Variants in RNF38 observed in about 807,000 individuals in gnomAD.
RNF38 encodes ring finger protein 38, also known as E3 ubiquitin-protein ligase RNF38.
RNF38 carries 15 observed loss-of-function variants against 67.2 expected under a neutral mutation model. That is an observed-to-expected ratio of 0.22 (90% CI 0.15 to 0.34). The LOEUF (loss-of-function observed/expected upper bound fraction) is 0.34. RNF38 is among the 10% of genes least tolerant of loss of function. The pLI, the probability that RNF38 is intolerant of heterozygous loss-of-function variation, is 1.00. For missense variants in RNF38, 524 were observed against 639.9 expected (o/e 0.82, Z 1.95); for synonymous variants, 220 against 218.8 (o/e 1.01, Z -0.05).
At chr9:36,424,716 A>C (rs1838724502) in intron 1 of RNF38, 1 of 893,418 alleles carries the variant, frequency 1.1e-6, no homozygotes, top group Non-Finnish European at 1.3e-6. Context: ...GTTAAGATGC[A>C]GTAATTCCTT....
At chr9:36,386,284 C>A (rs952487397) in intron 2 of RNF38, among the ~76,000 whole-genome samples, 1 of 152,052 alleles carries the variant, frequency 6.6e-6, no homozygotes, top group Admixed American at 6.6e-5. Flanking sequence ...AAGTTTTTCC[C>A]CCTTTTCTTC....
intron 2 of RNF38, among the ~76,000 whole-genome samples, chr9:36,423,288 T>C (rs1343759268): frequency 2.0e-5 from 3 of 152,160 alleles, no homozygotes; most frequent in Admixed American, 2.0e-4. Context: ...TACCACTCTC[T>C]GTAAAGAGAG....
At chr9:36,406,795 C>CT (rs1838195106) in intron 2 of RNF38, among the ~76,000 whole-genome samples, 1 of 152,180 alleles carries the variant, frequency 6.6e-6, no homozygotes, top group South Asian at 2.1e-4. Flanking sequence ...AAAATCTTCC[C>CT]TGAAGCTAGC....
intron 2 of RNF38, among the ~76,000 whole-genome samples, chr9:36,418,328 G>A (rs954173036): frequency 2.6e-5 from 4 of 151,866 alleles, no homozygotes; most frequent in African/African-American, 4.8e-5. Context: ...GAGCCACTGC[G>A]CCTGGCCAAC....
chr9:36,427,491 G>A (rs1564058645), intron 1 of RNF38, among the ~76,000 whole-genome samples: 1 of 152,148 alleles, frequency 6.6e-6, no homozygotes, highest in Non-Finnish European at 1.5e-5. Flanking sequence ...ATTGGGTTAT[G>A]AAGGCAGAGA....
intron 1 of RNF38, among the ~76,000 whole-genome samples, chr9:36,445,373 T>G (rs1839276938): frequency 1.3e-5 from 2 of 152,174 alleles, no homozygotes; most frequent in African/African-American, 2.4e-5. Context: ...GACATATGAT[T>G]TCATGTTTTT....
intron 1 of RNF38, among the ~76,000 whole-genome samples, chr9:36,445,369 T>C (rs1369456417): frequency 1.3e-5 from 2 of 152,192 alleles, no homozygotes; most frequent in African/African-American, 2.4e-5. Flanking sequence ...TTGAGACATA[T>C]GATTTCATGT....
At chr9:36,471,584 G>T (rs1032965318) in intron 1 of RNF38, among the ~76,000 whole-genome samples, 1 of 152,120 alleles carries the variant, frequency 6.6e-6, no homozygotes, top group Admixed American at 6.6e-5. Flanking sequence ...GTGATCGCCT[G>T]AGCCCAGGAG....
At chr9:36,450,953 C>T (rs573304468) in intron 1 of RNF38, among the ~76,000 whole-genome samples, 451 of 152,270 alleles carry the variant, frequency 3.0e-3, no homozygotes, top group Non-Finnish European at 5.0e-3. Flanking sequence ...ATATGAGTCT[C>T]CTAATGACAG....
At chr9:36,462,406 G>A (rs185339229) in intron 1 of RNF38, among the ~76,000 whole-genome samples, 4 of 152,032 alleles carry the variant, frequency 2.6e-5, no homozygotes, top group East Asian at 3.9e-4. Flanking sequence ...TCAGCACAGC[G>A]GCCAGAAAGA....
intron 2 of RNF38, among the ~76,000 whole-genome samples, chr9:36,410,987 T>C (rs1587629577): frequency 6.6e-6 from 1 of 152,292 alleles, no homozygotes; most frequent in Middle Eastern, 3.4e-3. Context: ...ATGTACTGTA[T>C]GTACTTAATG....
At chr9:36,389,715 G>A (rs1028185555) in intron 2 of RNF38, among the ~76,000 whole-genome samples, 8 of 152,134 alleles carry the variant, frequency 5.3e-5, no homozygotes, top group Non-Finnish European at 1.2e-4. Context: ...AACAGAAAAT[G>A]AGCTGGCTCT....
chr9:36,454,832 C>T (rs1839546975), intron 1 of RNF38, among the ~76,000 whole-genome samples: 1 of 152,076 alleles, frequency 6.6e-6, no homozygotes, highest in South Asian at 2.1e-4. Context: ...GATCCACCCG[C>T]CTCGGTCTCT....
intron 2 of RNF38, among the ~76,000 whole-genome samples, chr9:36,380,750 T>TC (rs1262959665): frequency 2.6e-5 from 4 of 152,202 alleles, no homozygotes; most frequent in Non-Finnish European, 5.9e-5. Context: ...CACCTCGGCC[T>TC]CCCACAGTGC....
chr9:36,442,344 T>G (rs889412791), intron 1 of RNF38, among the ~76,000 whole-genome samples: 1 of 152,176 alleles, frequency 6.6e-6, no homozygotes, highest in African/African-American at 2.4e-5. Context: ...TATTGGAGCT[T>G]GGGGGTTCAT....
intron 7 of RNF38, 52 bp from the exon 8 acceptor site, chr9:36,352,900 C>A (rs558060821): frequency 7.9e-7 from 1 of 1,271,848 alleles, no homozygotes; most frequent in Non-Finnish European, 1.1e-6. Flanking sequence ...TTACAAATAG[C>A]CTGTCAAATA....
intron 1 of RNF38, among the ~76,000 whole-genome samples, chr9:36,440,610 A>G (rs1839171547): frequency 6.6e-6 from 1 of 152,186 alleles, no homozygotes; most frequent in Non-Finnish European, 1.5e-5. Context: ...TTAAGTGGAA[A>G]AAAAAAGCAA....
At chr9:36,342,570 T>C (rs1832929111) in intron 10 of RNF38, 146 bp from the exon 11 acceptor site, 5 of 612,190 alleles carry the variant, frequency 8.2e-6, no homozygotes, top group South Asian at 2.1e-5. Context: ...CCTGAAAAAA[T>C]TGTGATGTTA....
chr9:36,350,964 T>A, intron 9 of RNF38, 151 bp downstream of exon 9: 1 of 628,398 alleles, frequency 1.6e-6, no homozygotes, highest in Non-Finnish European at 2.8e-6. Flanking sequence ...TTAGTATTAG[T>A]GTATCTTATG....
Sources: gnomAD v4.1 joint callset for allele counts (sites outside exome capture counted in the v4.1 genomes callset) on GRCh38, gnomAD v4.1.1 for gene constraint, MANE v1.5 for transcripts, NCBI Gene and HGNC (gene_info 2026-07-23, HGNC 2026-07-21) for gene names.